The following ZNF496 variants were observed in gnomAD, a reference collection of about 807,000 sequenced individuals.
ZNF496 encodes NSD1 (nuclear receptor binding SET-domain containing 1)-interacting zinc finger protein 1.
In ZNF496, 11 loss-of-function variants were observed where a neutral mutation model predicts 58.9. The observed-to-expected ratio is 0.19, with a 90% CI of 0.12 to 0.31. ZNF496 has a LOEUF of 0.31. Among genes scored for constraint, ZNF496 ranks in the 10% least tolerant of loss-of-function variants. The pLI, the probability that ZNF496 is intolerant of heterozygous loss-of-function variation, is 1.00. For missense variants in ZNF496, 660 were observed against 783.0 expected, an observed-to-expected ratio of 0.84 and a Z score of 1.88; for synonymous variants, 338 against 318.2, an observed-to-expected ratio of 1.06 and a Z score of -0.66.
chr1:247,308,718 G>T lies in ZNF496; in HGVS notation c.893-130C>A. The T allele has an allele frequency of 1.2e-6, 1 of 802,588 alleles. No individual in the cohort carries two copies. Among genetic ancestry groups the T allele is most frequent in the East Asian group, 2.7e-5 (1 of 37,370 alleles). 49.7% of individuals were successfully genotyped at this position (802,588 alleles called of 1,614,324 possible). A position where few individuals can be genotyped will look rare whatever the true frequency, so the allele number is the denominator to read the frequency against. On this transcript the variant is annotated intron_variant, in intron 8 of 9. Transcript: ENST00000682384. This position sits in a 1 kb window ranked among gnomAD's most constrained non-coding sequence, Gnocchi z 4.5. ...TGGGCTCCGTCCTGGGGACTGGCAG[G>T]GGGTGGCCACTCAATAAGTGTCTGC...
At chr1:247,319,643 C>A (rs1337194182) in intron 6 of ZNF496, among the ~76,000 whole-genome samples, 1 of 152,110 alleles carries the variant, frequency 6.6e-6, no homozygotes, top group Non-Finnish European at 1.5e-5. Context: ...ACTATCTAGG[C>A]CGGGTGCAGT....
rs963119983 is a variant in ZNF496, at chr1:247,300,061, C to T, written c.*458G>A. The T allele has an allele frequency of 1.4e-4, 21 of 155,034 alleles. No homozygotes were observed. The highest frequency in any genetic ancestry group is 2.6e-4 in the Non-Finnish European group (18 of 70,050). 9.6% of individuals were successfully genotyped at this position (155,034 alleles called of 1,614,324 possible). A position where few individuals can be genotyped will look rare whatever the true frequency, so the allele number is the denominator to read the frequency against. ...TTCTTCTTTCCTCTAGTCCAACATCCGCCAGCAGCTTCTCAGTGGAAGTGC... is the reference window on the plus strand; with the variant it reads ...TTCTTCTTTCCTCTAGTCCAACATCTGCCAGCAGCTTCTCAGTGGAAGTGC... On this transcript the variant is annotated 3_prime_UTR_variant, in exon 10 of 10. Transcript: ENST00000682384. This position sits in a 1 kb window ranked among gnomAD's most constrained non-coding sequence, Gnocchi z 5.7.
chr1:247,330,492 A>G (rs1376706835), intron 2 of ZNF496, among the ~76,000 whole-genome samples: 1 of 152,164 alleles, frequency 6.6e-6, no homozygotes, highest in Non-Finnish European at 1.5e-5. Flanking sequence ...ACCCCTGGAC[A>G]CTGCAGCTGC....
At chr1:247,317,961 T>C (rs1659838264) in intron 6 of ZNF496, among the ~76,000 whole-genome samples, 1 of 152,130 alleles carries the variant, frequency 6.6e-6, no homozygotes, top group African/African-American at 2.4e-5. Flanking sequence ...CAATGAACAA[T>C]TATAAGCACA....
intron 9 of ZNF496, chr1:247,307,377 ACTC>A: frequency 2.0e-6 from 2 of 984,970 alleles, no homozygotes; most frequent in Non-Finnish European, 2.4e-6. Context: ...GGAGTTGAAA[ACTC>A]CTGTGTATAA....
intron 6 of ZNF496, among the ~76,000 whole-genome samples, chr1:247,316,730 C>A (rs527738623): frequency 6.6e-6 from 1 of 152,230 alleles, no homozygotes; most frequent in South Asian, 2.1e-4. Flanking sequence ...GAAGCAAACC[C>A]AAGTCCAAGG....
intron 9 of ZNF496, among the ~76,000 whole-genome samples, chr1:247,302,313 T>C (rs1659268058): frequency 6.6e-6 from 1 of 151,544 alleles, no homozygotes; most frequent in Non-Finnish European, 1.5e-5. Context: ...ACAGAGGCTA[T>C]GGAGAGCAGA....
intron 6 of ZNF496, among the ~76,000 whole-genome samples, chr1:247,315,402 C>A (rs545851294): frequency 2.0e-5 from 3 of 152,240 alleles, no homozygotes; most frequent in Admixed American, 2.0e-4. Flanking sequence ...AAACTAGCCA[C>A]AGCATGACAA....
At chr1:247,324,428 T>C (rs1243018475) in intron 5 of ZNF496, among the ~76,000 whole-genome samples, 1 of 152,232 alleles carries the variant, frequency 6.6e-6, no homozygotes, top group Non-Finnish European at 1.5e-5. Context: ...AACAACGTAC[T>C]GTGTACTTGA....
chr1:247,316,216 CGTGTGTGT>C (rs67737658), intron 6 of ZNF496, among the ~76,000 whole-genome samples: 1,495 of 90,668 alleles, frequency 0.016, 28 homozygotes, highest in African/African-American at 0.062. Context: ...CGCGCGTGCG[CGTGTGTGT>C]GTGTGTGTGT....
chr1:247,323,958 TAAA>T (rs1558157176), intron 5 of ZNF496, among the ~76,000 whole-genome samples: 2 of 144,026 alleles, frequency 1.4e-5, no homozygotes, highest in Admixed American at 1.4e-4. Flanking sequence ...CTATTAAAAA[TAAA>T]AAAACTGGGA....
intron 5 of ZNF496, 108 bp from the exon 6 acceptor site, chr1:247,323,338 A>G: frequency 1.3e-6 from 1 of 755,834 alleles, no homozygotes; most frequent in Non-Finnish European, 2.2e-6. Context: ...TAGCAAAGAA[A>G]ATCACAAGAG....
At position 247,329,093 on chromosome 1, in the gene ZNF496, T is replaced by G; in HGVS notation, c.390+96A>C. 1 of 1,577,792 alleles carries G rather than the reference T, an allele frequency of 6.3e-7. No homozygotes were observed. The highest frequency in any genetic ancestry group is 8.7e-7 in the Non-Finnish European group (1 of 1,155,434). ...CCTAACCAAAGTAAATGGCTCTCGATGGAACTCCTCATTCCCCAGCCAGCA... is the reference window on the plus strand; with the variant it reads ...CCTAACCAAAGTAAATGGCTCTCGAGGGAACTCCTCATTCCCCAGCCAGCA... On this transcript the variant is annotated intron_variant, in intron 4 of 9. Coordinates refer to ENST00000682384, the MANE Select transcript of ZNF496 (RefSeq NM_032752.3). This position sits in a 1 kb window ranked among gnomAD's most constrained non-coding sequence, Gnocchi z 5.5.
chr1:247,301,091 C>T lies in ZNF496; in HGVS notation c.1192G>A (p.Glu398Lys), dbSNP rs1204758140. 1 of 1,613,772 alleles carries T rather than the reference C, an allele frequency of 6.2e-7. No homozygotes were observed. The stretch of plus-strand genomic sequence containing the variant: ...TAGGACTTCTTGGAGGTCTGCACCT[C>T]GCCTCCGGCCTCGGTGCTGCTCCGG... Reference protein sequence around the residue: ...SHRSSTEAGGEVQTSKKSYVC... With the variant: ...SHRSSTEAGGKVQTSKKSYVC... The change falls in exon 10 of 10, where the codon GAG becomes AAG. Residue 398 changes from glutamate (E) to lysine (K), a missense_variant. Coordinates refer to ENST00000682384, the MANE Select transcript of ZNF496 (RefSeq NM_032752.3).
At chr1:247,317,182 G>T (rs948352867) in intron 6 of ZNF496, among the ~76,000 whole-genome samples, 1 of 152,130 alleles carries the variant, frequency 6.6e-6, no homozygotes, top group African/African-American at 2.4e-5. Context: ...CTGAAAGGTG[G>T]AGAGAGGGTG....
rs1374326075 is a variant in ZNF496 at position 247,329,672 on chromosome 1, G to T, written c.-37-57C>A. 7.5e-6 allele frequency: 11 copies of T among 1,462,924 alleles called. No individual in the cohort carries two copies. The highest frequency in any genetic ancestry group is 1.4e-5 in the African/African-American group (1 of 70,554). The allele number at this position is 1,462,924 out of a possible 1,614,324, so 90.6% of individuals were successfully genotyped here. On this transcript the variant is annotated intron_variant, in intron 3 of 9. Transcript: ENST00000682384. This position sits in a 1 kb window ranked among gnomAD's most constrained non-coding sequence, Gnocchi z 5.5. ...GTTCTGGTCTCCTGTGGTCATTTCT[G>T]GGGGACAGTGACAAGGAAACTGTCA... is the stretch of plus-strand genomic sequence containing the variant.
chr1:247,323,275 G>C, intron 5 of ZNF496, 45 bp from the exon 6 acceptor site: 2 of 1,495,162 alleles, frequency 1.3e-6, no homozygotes, highest in Non-Finnish European at 1.9e-6. Context: ...GCCAGGGCCA[G>C]GCCTGGTGCT....
intron 6 of ZNF496, chr1:247,322,950 G>A (rs1256079882): frequency 1.4e-6 from 1 of 712,696 alleles, no homozygotes; most frequent in Non-Finnish European, 2.2e-6. Context: ...GATGACAGTA[G>A]ACCCAGTGGG....
intron 2 of ZNF496, among the ~76,000 whole-genome samples, chr1:247,330,854 G>GC (rs964937862): frequency 1.6e-4 from 24 of 152,260 alleles, no homozygotes; most frequent in African/African-American, 4.8e-4. Flanking sequence ...TGCCAGAAAA[G>GC]CTACGGAACA....
Sources: gnomAD v4.1 joint callset for allele counts (sites outside exome capture counted in the v4.1 genomes callset) on GRCh38, gnomAD v4.1.1 for gene constraint, Gnocchi (gnomAD v3.1) non-coding constraint, MANE v1.5 for transcripts, NCBI Gene and HGNC (gene_info 2026-07-23, HGNC 2026-07-21) for gene names.